Variants in UVRAG observed in about 807,000 individuals in gnomAD.
UVRAG encodes UV radiation resistance associated.
Under a neutral mutation model 78.0 loss-of-function variants are expected in UVRAG, and 19 were observed. The observed-to-expected ratio is 0.24, with a 90% CI of 0.17 to 0.36. The LOEUF is 0.36. UVRAG is among the 10% of genes least tolerant of loss of function. The pLI, the probability that UVRAG is intolerant of heterozygous loss-of-function variation, is 1.00. For missense variants in UVRAG, 740 were observed against 853.8 expected (o/e 0.87, Z 1.66); for synonymous variants, 323 against 324.6 (o/e 1.00, Z 0.05).
intron 8 of UVRAG, among the ~76,000 whole-genome samples, chr11:75,993,089 G>A (rs986210218): frequency 6.6e-6 from 1 of 152,080 alleles, no homozygotes; most frequent in African/African-American, 2.4e-5. Flanking sequence ...TGACCACAAA[G>A]GAATTATTTA....
chr11:76,084,627 AAT>A (rs1483388856), intron 13 of UVRAG, among the ~76,000 whole-genome samples: 1 of 152,106 alleles, frequency 6.6e-6, no homozygotes, highest in African/African-American at 2.4e-5. Context: ...TGAAACTCAG[AAT>A]ATATATAGTG....
intron 13 of UVRAG, among the ~76,000 whole-genome samples, chr11:76,083,292 C>T (rs1951531997): frequency 6.6e-6 from 1 of 152,060 alleles, no homozygotes; most frequent in East Asian, 1.9e-4. Context: ...GAAACATCTG[C>T]ATGGACCATT....
At chr11:75,993,453 T>C (rs1287107415) in intron 8 of UVRAG, among the ~76,000 whole-genome samples, 4 of 152,158 alleles carry the variant, frequency 2.6e-5, no homozygotes, top group African/African-American at 9.7e-5. Flanking sequence ...TATTTTCATT[T>C]CTGGAAGGTA....
rs80246771 is a variant in UVRAG at position 76,052,093 on chromosome 11, T to C, written c.1227-13617T>C. Among the ~76,000 whole-genome samples, 1,426 of 152,334 alleles carry C rather than the reference T, an allele frequency of 9.4e-3. 22 individuals carry two copies. The highest frequency in any genetic ancestry group is 0.033 in the African/African-American group (1,358 of 41,568). ...CCTCTAACCAGAACATTTCTTCCTT[T>C]AGCACCTACCCATCTCATTTATTAG... On this transcript the variant is annotated intron_variant, in intron 12 of 14. Coordinates refer to ENST00000356136, the MANE Select transcript of UVRAG (RefSeq NM_003369.4).
rs536701925 is a variant in UVRAG at position 75,870,049 on chromosome 11, A to C, written c.270+8269A>C. 1.8e-4 allele frequency among the ~76,000 whole-genome samples: 27 copies of C among 152,254 alleles called. No homozygotes were observed. The South Asian group carries it at 5.2e-3, about 29-fold the overall frequency. Reference sequence around the variant, plus strand: ...CTTGATTAATTTGTTCCATGTAGAAATTGGGCGGGTATGTATAGGTTAAAT... The same window carrying C: ...CTTGATTAATTTGTTCCATGTAGAACTTGGGCGGGTATGTATAGGTTAAAT... On this transcript the variant is annotated intron_variant, in intron 3 of 14. Transcript: ENST00000356136.
At chr11:76,066,882 T>C (rs886771241) in intron 13 of UVRAG, among the ~76,000 whole-genome samples, 1 of 152,218 alleles carries the variant, frequency 6.6e-6, no homozygotes, top group Non-Finnish European at 1.5e-5. Context: ...TTTAAATACA[T>C]TGTGAGCTAT....
chr11:76,137,394 A>G (rs765518690), intron 14 of UVRAG: 21 of 456,160 alleles, frequency 4.6e-5, no homozygotes, highest in African/African-American at 3.2e-4. Flanking sequence ...AGTAATGTTC[A>G]TATCAGTGGC....
At chr11:76,063,006 G>A (rs1372945168) in intron 12 of UVRAG, among the ~76,000 whole-genome samples, 3 of 152,088 alleles carry the variant, frequency 2.0e-5, no homozygotes, top group Non-Finnish European at 4.4e-5. Flanking sequence ...CGCAGCCTGG[G>A]ATCGCATTAG....
chr11:75,949,728 C>G (rs1948651818), intron 6 of UVRAG, among the ~76,000 whole-genome samples: 1 of 147,836 alleles, frequency 6.8e-6, no homozygotes, highest in African/African-American at 2.5e-5. Context: ...CACACACACA[C>G]ACATATACAC....
chr11:75,842,442 C>CTTTT (rs11316075), intron 1 of UVRAG, among the ~76,000 whole-genome samples: 13 of 134,238 alleles, frequency 9.7e-5, no homozygotes, highest in Non-Finnish European at 1.1e-4. Context: ...CCTTTTCTTT[C>CTTTT]TTTTTTTTTT....
intron 8 of UVRAG, among the ~76,000 whole-genome samples, chr11:76,001,332 T>C (rs1408653578): frequency 1.3e-5 from 2 of 152,202 alleles, no homozygotes; most frequent in Non-Finnish European, 2.9e-5. Flanking sequence ...ATTTATAGCA[T>C]TTCATGCCAA....
At chr11:76,119,357 C>G (rs1952236859) in intron 14 of UVRAG, among the ~76,000 whole-genome samples, 1 of 152,112 alleles carries the variant, frequency 6.6e-6, no homozygotes, top group Non-Finnish European at 1.5e-5. Context: ...TCCGCCTCCT[C>G]TCTACCCTCT....
chr11:75,949,502 A>T (rs1021882952), intron 6 of UVRAG, among the ~76,000 whole-genome samples: 1 of 151,976 alleles, frequency 6.6e-6, no homozygotes, highest in Non-Finnish European at 1.5e-5. Context: ...TATTCAACTC[A>T]TATTCAACAC....
At position 76,037,590 on chromosome 11, in the gene UVRAG, A is replaced by G. The variant is rs1950559646; in HGVS notation, c.1226+20610A>G. On this transcript the variant is annotated intron_variant, in intron 12 of 14. Coordinates refer to ENST00000356136, the MANE Select transcript of UVRAG (RefSeq NM_003369.4). The stretch of plus-strand genomic sequence containing the variant: ...CAGCTGGGCGTGGTGGCATACCTGT[A>G]AGTCCCAGCTACTCAAGAGGCTGAG... 2.0e-5 allele frequency among the ~76,000 whole-genome samples: 3 copies of G among 151,414 alleles called. No homozygotes were observed. In the South Asian group the frequency reaches 6.3e-4, roughly 32 times the overall value.
rs138522577 is a variant in UVRAG, at chr11:76,078,146, A to G, written c.1305+12358A>G. Among the ~76,000 whole-genome samples, 482 of 152,330 alleles carry G rather than the reference A, an allele frequency of 3.2e-3. 6 individuals are homozygous for G. Among genetic ancestry groups the G allele is most frequent in the African/African-American group, 0.011 (457 of 41,580 alleles). On this transcript the variant is annotated intron_variant, in intron 13 of 14. Transcript: ENST00000356136. The stretch of plus-strand genomic sequence containing the variant: ...CTATATGAAAAATGAATTTGGTCTG[A>G]TTTTAGTTGGCATCAAAGTGACCGG...
Position 76,085,063 on chromosome 11 carries a change from C to CAA in UVRAG, c.1305+19300_1305+19301dup, listed in dbSNP as rs781218840. Among the ~76,000 whole-genome samples, 57 of 49,534 alleles carry CAA rather than the reference C, an allele frequency of 1.2e-3. 1 individual carries two copies. Among genetic ancestry groups the CAA allele is most frequent in the African/African-American group, 1.6e-3 (33 of 20,336 alleles). 32.5% of individuals were successfully genotyped at this position (49,534 alleles called of 152,430 possible). Reference sequence around the variant, plus strand: ...TGGGGGACAGAGCGAGACCCTGTCTCAAAAAAAAAAAAAAAAAAAAAAAAA... The same window carrying CAA: ...TGGGGGACAGAGCGAGACCCTGTCTCAAAAAAAAAAAAAAAAAAAAAAAAAAA... On this transcript the variant is annotated intron_variant, in intron 13 of 14. Transcript: ENST00000356136.
intron 1 of UVRAG, among the ~76,000 whole-genome samples, chr11:75,843,957 TAAAA>T (rs557175299): frequency 1.1e-4 from 13 of 114,990 alleles, no homozygotes; most frequent in Admixed American, 8.3e-4. Flanking sequence ...AGACGCCATC[TAAAA>T]AAAAAAAAAA....
intron 1 of UVRAG, 48 bp from the exon 2 acceptor site, chr11:75,851,835 T>C (rs777106796): frequency 1.6e-5 from 23 of 1,474,690 alleles, no homozygotes; most frequent in Non-Finnish European, 2.0e-5. Flanking sequence ...GAAAATTTTA[T>C]AGGAGGAAAA....
chr11:75,987,766 C>T (rs1382788045), intron 8 of UVRAG, among the ~76,000 whole-genome samples: 2 of 148,696 alleles, frequency 1.3e-5, no homozygotes, highest in Admixed American at 6.7e-5. Context: ...GATGGAGTTT[C>T]GCTCTTGTCT....
Sources: gnomAD v4.1 joint callset for allele counts (sites outside exome capture counted in the v4.1 genomes callset) on GRCh38, gnomAD v4.1.1 for gene constraint, MANE v1.5 for transcripts, NCBI Gene and HGNC (gene_info 2026-07-23, HGNC 2026-07-21) for gene names.